CCDC171: variants seen among roughly 807,000 people sequenced by gnomAD.
The protein encoded by CCDC171 is coiled-coil domain-containing protein 171.
Under a neutral mutation model 168.2 loss-of-function variants are expected in CCDC171, and 177 were observed. That is an observed-to-expected ratio of 1.05 (90% confidence interval 0.93 to 1.19). The LOEUF is 1.19. CCDC171 is among the 50% of genes most tolerant of loss of function. CCDC171 has a pLI of 0.00. For missense variants in CCDC171, 1,991 were observed against 1,539.0 expected (o/e 1.29, Z -4.91); for synonymous variants, 687 against 540.8 (o/e 1.27, Z -3.75).
intron 9 of CCDC171, among the ~76,000 whole-genome samples, chr9:15,669,929 T>C (rs1019109160): frequency 1.4e-5 from 2 of 148,002 alleles, no homozygotes; most frequent in African/African-American, 2.5e-5. Flanking sequence ...ACCCTGTTAT[T>C]GTCAAATTCT....
chr9:15,584,305 A>T (rs2131334909), intron 4 of CCDC171, among the ~76,000 whole-genome samples: 1 of 152,368 alleles, frequency 6.6e-6, no homozygotes, highest in South Asian at 2.1e-4. Context: ...AAGGTTTACA[A>T]CTGACAACCC....
chr9:16,101,119 C>T, the CCDC171 span, among the ~76,000 whole-genome samples: 3 of 152,152 alleles, frequency 2.0e-5, no homozygotes, highest in African/African-American at 7.2e-5. Context: ...CACCAAAGGG[C>T]CCCCAGCTGA....
chr9:15,901,218 A>G (rs899242207), intron 24 of CCDC171, among the ~76,000 whole-genome samples: 1 of 152,196 alleles, frequency 6.6e-6, no homozygotes, highest in African/African-American at 2.4e-5. Flanking sequence ...TCTGCAGAAC[A>G]CAGGATTTTT....
the CCDC171 span, among the ~76,000 whole-genome samples, chr9:16,076,812 A>G: frequency 6.6e-6 from 1 of 152,128 alleles, no homozygotes. Flanking sequence ...GAACAACTAA[A>G]TCTATTAGGC....
chr9:15,570,544 C>T (rs539946428), intron 2 of CCDC171, among the ~76,000 whole-genome samples: 110 of 152,262 alleles, frequency 7.2e-4, no homozygotes, highest in African/African-American at 2.4e-3. Flanking sequence ...AAAGTAGGGG[C>T]TTAACCTAAA....
chr9:15,924,542 C>T (rs949026630), intron 25 of CCDC171, among the ~76,000 whole-genome samples: 1 of 151,272 alleles, frequency 6.6e-6, no homozygotes, highest in East Asian at 1.9e-4. Context: ...CTAACACTTT[C>T]AACTACAAAT....
chr9:15,947,785 G>A (rs1248860246), intron 25 of CCDC171, among the ~76,000 whole-genome samples: 3 of 151,068 alleles, frequency 2.0e-5, no homozygotes, highest in African/African-American at 4.9e-5. Flanking sequence ...TTCATAATGG[G>A]CATACAAGTA....
At chr9:15,990,398 C>G (rs2132905799) in intron 3 of CCDC171, among the ~76,000 whole-genome samples, 1 of 152,268 alleles carries the variant, frequency 6.6e-6, no homozygotes, top group East Asian at 1.9e-4. Flanking sequence ...CACCATCAAG[C>G]CTGCCTTACA....
intron 25 of CCDC171, among the ~76,000 whole-genome samples, chr9:15,951,791 T>A (rs958438349): frequency 3.3e-5 from 5 of 152,162 alleles, no homozygotes; most frequent in Non-Finnish European, 7.3e-5. Context: ...GATTTGCAAG[T>A]ATTTTCTCCT....
intron 21 of CCDC171, among the ~76,000 whole-genome samples, chr9:15,794,019 T>C (rs1270235399): frequency 2.4e-4 from 4 of 16,504 alleles, no homozygotes; most frequent in Non-Finnish European, 3.2e-4. Flanking sequence ...GATACAGTGT[T>C]GGGTGGAGGT....
intron 6 of CCDC171, among the ~76,000 whole-genome samples, chr9:15,620,553 A>G (rs2044423765): frequency 6.6e-6 from 1 of 152,234 alleles, no homozygotes; most frequent in Non-Finnish European, 1.5e-5. Flanking sequence ...GTTGCTTCTT[A>G]TAGATGACCA....
intron 4 of CCDC171, among the ~76,000 whole-genome samples, chr9:15,584,485 A>G (rs2041395113): frequency 6.6e-6 from 1 of 152,202 alleles, no homozygotes; most frequent in Non-Finnish European, 1.5e-5. Flanking sequence ...TGACTGGACA[A>G]AAGTATATGT....
chr9:16,057,276 C>T (rs1237537770), intron 1 of CCDC171, among the ~76,000 whole-genome samples: 1 of 152,214 alleles, frequency 6.6e-6, no homozygotes, highest in African/African-American at 2.4e-5. Context: ...AAACAAGAAG[C>T]AAAATCAAAG....
At chr9:15,816,447 G>C (rs2059564689) in intron 21 of CCDC171, among the ~76,000 whole-genome samples, 1 of 118,470 alleles carries the variant, frequency 8.4e-6, no homozygotes. Flanking sequence ...GCTATGCATA[G>C]TTTCATATCT....
the CCDC171 span, among the ~76,000 whole-genome samples, chr9:16,103,647 C>G: frequency 6.6e-6 from 1 of 152,262 alleles, no homozygotes; most frequent in Non-Finnish European, 1.5e-5. Flanking sequence ...TGGCTGGGGG[C>G]TCCTGCGCTG....
At chr9:15,856,033 T>G (rs1371389842) in intron 23 of CCDC171, among the ~76,000 whole-genome samples, 1 of 151,990 alleles carries the variant, frequency 6.6e-6, no homozygotes, top group Non-Finnish European at 1.5e-5. Flanking sequence ...TCATGTGAAT[T>G]TGAGTTACTG....
intron 6 of CCDC171, among the ~76,000 whole-genome samples, chr9:16,033,445 C>T (rs2382551): frequency 0.4 from 60,887 of 152,028 alleles, 13,761 homozygotes; most frequent in East Asian, 0.73. Context: ...TGTTGTAAAC[C>T]GCGCATGCGT....
At chr9:15,975,620 C>G (rs760309045), downstream of CCDC171, among the ~76,000 whole-genome samples, 4 of 152,180 alleles carry the variant, frequency 2.6e-5, no homozygotes, top group Non-Finnish European at 5.9e-5. Flanking sequence ...AGCAGAGTCT[C>G]TGTTGAGAGG....
rs140657120 is a variant in CCDC171, at chr9:15,673,942, C to T, written c.1077-4816C>T. Among the ~76,000 whole-genome samples the T allele has an allele frequency of 2.7e-3, 404 of 152,160 alleles. 1 individual carries two copies. The highest frequency in any genetic ancestry group is 3.7e-3 in the Non-Finnish European group (251 of 68,008). On this transcript the variant is annotated intron_variant, in intron 9 of 25. Transcript: ENST00000380701. ...TGAATGGTACCAGCTCCTCTTTGTA[C>T]CTCTGGTAGTATTTGGCTGTGAATC...
Sources: allele counts gnomAD v4.1 joint callset (sites outside exome capture counted in the v4.1 genomes callset), GRCh38; gene constraint gnomAD v4.1.1; transcripts MANE v1.5; gene names NCBI Gene and HGNC (gene_info 2026-07-23, HGNC 2026-07-21).